PPARGC1A: variants seen among roughly 807,000 people sequenced by gnomAD.
PPARGC1A encodes PPARG coactivator 1 alpha.
Under a neutral mutation model 88.7 loss-of-function variants are expected in PPARGC1A, and 25 were observed. The observed-to-expected ratio is 0.28, with a 90% confidence interval of 0.21 to 0.39. The LOEUF is 0.39. Among genes scored for constraint, PPARGC1A ranks in the 10% least tolerant of loss-of-function variants. The pLI is 1.00. For missense variants in PPARGC1A, 880 were observed against 968.7 expected, an observed-to-expected ratio of 0.91 and a Z score of 1.22; for synonymous variants, 363 against 355.6, an observed-to-expected ratio of 1.02 and a Z score of -0.24.
the PPARGC1A span, among the ~76,000 whole-genome samples, chr4:24,129,033 T>A: frequency 8.9e-4 from 135 of 152,298 alleles, 1 homozygote; most frequent in African/African-American, 3.2e-3. Flanking sequence ...CAGAAATGTA[T>A]CATGTAAGCA....
the PPARGC1A span, among the ~76,000 whole-genome samples, chr4:24,141,367 G>A: frequency 6.6e-6 from 1 of 152,346 alleles, no homozygotes; most frequent in African/African-American, 2.4e-5. Flanking sequence ...ACAGGTGGAG[G>A]TTGTGAAGTG....
the PPARGC1A span, among the ~76,000 whole-genome samples, chr4:24,055,919 G>A: frequency 2.2e-3 from 331 of 152,280 alleles, 4 homozygotes; most frequent in Non-Finnish European, 1.2e-3. Flanking sequence ...GAACACTTTC[G>A]TCAGGTTGAA....
the PPARGC1A span, among the ~76,000 whole-genome samples, chr4:24,135,471 T>C: frequency 6.6e-6 from 1 of 152,280 alleles, no homozygotes; most frequent in African/African-American, 2.4e-5. Context: ...CCATTACTCC[T>C]GTGACAACTC....
chr4:24,122,546 A>G, the PPARGC1A span, among the ~76,000 whole-genome samples: 1 of 152,008 alleles, frequency 6.6e-6, no homozygotes, highest in Non-Finnish European at 1.5e-5. Flanking sequence ...ATCATTCAGC[A>G]CACATTTAAT....
At chr4:24,304,019 A>T in the PPARGC1A span, among the ~76,000 whole-genome samples, 1 of 152,152 alleles carries the variant, frequency 6.6e-6, no homozygotes, top group South Asian at 2.1e-4. Flanking sequence ...TAAGAGGCAA[A>T]CCCCCACAAC....
chr4:24,048,889 TTCCTA>T, the PPARGC1A span, among the ~76,000 whole-genome samples: 10 of 152,304 alleles, frequency 6.6e-5, no homozygotes, highest in African/African-American at 2.4e-4. Context: ...AAGAAATATT[TTCCTA>T]TCCTTAGTCA....
At chr4:24,229,375 C>T in the PPARGC1A span, among the ~76,000 whole-genome samples, 1 of 149,418 alleles carries the variant, frequency 6.7e-6, no homozygotes, top group Non-Finnish European at 1.5e-5. Context: ...TCTCGAACTT[C>T]TGACCTCAGG....
At chr4:24,289,317 A>G in the PPARGC1A span, among the ~76,000 whole-genome samples, 1 of 150,970 alleles carries the variant, frequency 6.6e-6, no homozygotes, top group African/African-American at 2.4e-5. Flanking sequence ...GCTCCATTTC[A>G]GCAAATCCAT....
chr4:24,391,891 G>A, the PPARGC1A span, among the ~76,000 whole-genome samples: 29 of 152,172 alleles, frequency 1.9e-4, no homozygotes, highest in South Asian at 8.3e-4. Flanking sequence ...AATGAACTCC[G>A]AAACAGATAC....
At chr4:24,023,269 A>G in the PPARGC1A span, among the ~76,000 whole-genome samples, 1 of 152,166 alleles carries the variant, frequency 6.6e-6, no homozygotes, top group East Asian at 1.9e-4. Flanking sequence ...ATTCTGTTTG[A>G]TTCCTTTGTC....
chr4:24,146,261 CA>C, the PPARGC1A span, among the ~76,000 whole-genome samples: 1 of 152,194 alleles, frequency 6.6e-6, no homozygotes, highest in African/African-American at 2.4e-5. Context: ...GTAGAAAAAC[CA>C]GTGTTTAATG....
the PPARGC1A span, among the ~76,000 whole-genome samples, chr4:24,468,392 C>T: frequency 3.3e-5 from 5 of 152,152 alleles, no homozygotes. Flanking sequence ...GGGTTTCATT[C>T]TAATTGAAGA....
At chr4:23,911,082 C>G in the PPARGC1A span, among the ~76,000 whole-genome samples, 1 of 152,090 alleles carries the variant, frequency 6.6e-6, no homozygotes, top group Non-Finnish European at 1.5e-5. Flanking sequence ...CACAGCCTAA[C>G]AGAGAAAATG....
the PPARGC1A span, among the ~76,000 whole-genome samples, chr4:24,062,836 A>T: frequency 6.6e-6 from 1 of 152,234 alleles, no homozygotes; most frequent in Non-Finnish European, 1.5e-5. Flanking sequence ...ATCTATAAAT[A>T]CATTTAAATT....
chr4:23,906,000 T>A (rs1719984367), upstream of PPARGC1A, among the ~76,000 whole-genome samples: 1 of 152,022 alleles, frequency 6.6e-6, no homozygotes, highest in African/African-American at 2.4e-5. Context: ...CCAGGGAAAT[T>A]AAGAAAAGGC....
At chr4:24,144,042 G>T in the PPARGC1A span, among the ~76,000 whole-genome samples, 1 of 152,208 alleles carries the variant, frequency 6.6e-6, no homozygotes, top group Non-Finnish European at 1.5e-5. Flanking sequence ...CACATGCTCT[G>T]CATTGCCACA....
intron 12 of PPARGC1A, among the ~76,000 whole-genome samples, chr4:23,801,525 G>T (rs528420590): frequency 7.2e-5 from 11 of 152,272 alleles, no homozygotes; most frequent in African/African-American, 2.6e-4. Flanking sequence ...ATAGTACAAA[G>T]AATTTACTTC....
chr4:24,362,082 C>T, the PPARGC1A span, among the ~76,000 whole-genome samples: 1 of 152,196 alleles, frequency 6.6e-6, no homozygotes, highest in Non-Finnish European at 1.5e-5. Flanking sequence ...CATTCAGTGT[C>T]GCCATTTATC....
the PPARGC1A span, among the ~76,000 whole-genome samples, chr4:24,201,476 C>T: frequency 6.6e-6 from 1 of 152,196 alleles, no homozygotes; most frequent in African/African-American, 2.4e-5. Flanking sequence ...TGCGGCTACT[C>T]CCCAGGCCCA....
Sources: gnomAD v4.1 joint callset for allele counts (sites outside exome capture counted in the v4.1 genomes callset) on GRCh38, gnomAD v4.1.1 for gene constraint, MANE v1.5 for transcripts, NCBI Gene and HGNC (gene_info 2026-07-23, HGNC 2026-07-21) for gene names.